The following SRFBP1 variants were observed in gnomAD, a reference collection of about 807,000 sequenced individuals.
SRFBP1 encodes the protein serum response factor-binding protein 1.
Under a neutral mutation model 45.5 loss-of-function variants are expected in SRFBP1, and 47 were observed. That is an observed-to-expected ratio of 1.03 (90% CI 0.82 to 1.32). SRFBP1 has a LOEUF of 1.32. Among genes scored for constraint, SRFBP1 ranks in the 40% most tolerant of loss-of-function variants. The pLI is 0.00. For synonymous variants in SRFBP1, 203 were observed against 166.3 expected (o/e 1.22, Z -1.70); for missense variants, 621 against 484.6 (o/e 1.28, Z -2.64).
At chr5:121,990,693 C>G (rs1752603272) in intron 3 of SRFBP1, among the ~76,000 whole-genome samples, 1 of 152,202 alleles carries the variant, frequency 6.6e-6, no homozygotes, top group Non-Finnish European at 1.5e-5. Flanking sequence ...CCATTCTTAC[C>G]CTTGAAGAGC....
chr5:122,016,915 A>G (rs1387804478), intron 4 of SRFBP1, among the ~76,000 whole-genome samples: 3 of 152,182 alleles, frequency 2.0e-5, no homozygotes, highest in East Asian at 1.9e-4. Flanking sequence ...ATAACAAAGT[A>G]TCACAAATTG....
Position 122,019,277 on chromosome 5 carries a change from T to C in SRFBP1, c.288T>C (p.Thr96=), listed in dbSNP as rs1166872197. The C allele has an allele frequency of 6.2e-7, 1 of 1,612,466 alleles. No homozygotes were observed. Among genetic ancestry groups the C allele is most frequent in the Non-Finnish European group, 8.5e-7 (1 of 1,179,122 alleles). ...KIFKKPDSTA[T]ERAIARLAVH... ...ATTTGCAGCCAGATTCTACTGCAAC[T>C]GAAAGAGCAATTGCCAGACTAGCAG... The change falls in exon 5 of 8, where the codon ACT becomes ACC. Residue 96 remains threonine, a synonymous_variant. Coordinates refer to ENST00000339397, the MANE Select transcript of SRFBP1 (RefSeq NM_152546.3).
chr5:122,027,321 C>G lies in SRFBP1; in HGVS notation c.*195C>G, dbSNP rs528333117. Reference sequence around the variant, plus strand: ...GACTGCAGGTGCATGCACTACCATGCCCAGCTTTCTCACCCCAGGCTCTGC... The same window carrying G: ...GACTGCAGGTGCATGCACTACCATGGCCAGCTTTCTCACCCCAGGCTCTGC... On this transcript the variant is annotated 3_prime_UTR_variant, in exon 8 of 8. Coordinates refer to ENST00000339397, the MANE Select transcript of SRFBP1 (RefSeq NM_152546.3). The G allele has an allele frequency of 2.5e-6, 1 of 395,592 alleles. No homozygotes were observed. 24.5% of individuals were successfully genotyped at this position (395,592 alleles called of 1,614,324 possible). A position where few individuals can be genotyped will look rare whatever the true frequency, so the allele number is the denominator to read the frequency against.
rs778525971 is a variant in SRFBP1 at position 122,069,961 on chromosome 5, G to A, written n.312-5354G>A. The A allele has an allele frequency of 4.4e-6, 4 of 905,638 alleles. No homozygotes were observed. Among genetic ancestry groups the A allele is most frequent in the Non-Finnish European group, 7.4e-6 (4 of 537,328 alleles). The allele number at this position is 905,638 out of a possible 1,614,324, so 56.1% of individuals were successfully genotyped here. ...GTCTGCTTACAAGAAAGCTGCTGTA[G>A]TAGCAGAAACAGATACATTCTATGT... On this transcript the variant is annotated intron_variant and non_coding_transcript_variant, in intron 2 of 2. Transcript: ENST00000504881.
At chr5:121,994,500 G>T in intron 3 of SRFBP1, 99 bp from the exon 4 acceptor site, 3 of 719,196 alleles carry the variant, frequency 4.2e-6, no homozygotes, top group South Asian at 1.9e-5. Flanking sequence ...AAATTAAGAT[G>T]TTATTTAATA....
In SRFBP1 at chr5:121,972,045, A is replaced by T. The variant is rs545057070; in HGVS notation, c.37-2151A>T. Among the ~76,000 whole-genome samples the T allele has an allele frequency of 2.0e-5, 3 of 152,070 alleles. No individual in the cohort carries two copies. The East Asian group carries it at 5.8e-4, about 29-fold the overall frequency. The stretch of plus-strand genomic sequence containing the variant: ...GAAGAGGGAGTGGTCCTAGTGAACC[A>T]TGTAATGAGGATGTTTATTTAGTCT... On this transcript the variant is annotated intron_variant, in intron 1 of 7. Transcript: ENST00000339397.
intron 3 of SRFBP1, among the ~76,000 whole-genome samples, chr5:121,981,102 G>A (rs1286203609): frequency 6.6e-6 from 1 of 152,062 alleles, no homozygotes; most frequent in African/African-American, 2.4e-5. Flanking sequence ...TCTTCAGATA[G>A]GGCTTTTTGG....
At chr5:122,024,559 G>C (rs1307031081) in intron 7 of SRFBP1, among the ~76,000 whole-genome samples, 1 of 152,138 alleles carries the variant, frequency 6.6e-6, no homozygotes. Context: ...TGAATGTGAG[G>C]TTTTTATGGT....
At chr5:121,969,193 A>G (rs1418910573) in intron 1 of SRFBP1, among the ~76,000 whole-genome samples, 2 of 152,340 alleles carry the variant, frequency 1.3e-5, no homozygotes, top group African/African-American at 4.8e-5. Context: ...TGTGAATGAG[A>G]AAGCTAGTTT....
chr5:122,020,641 T>A lies in SRFBP1; in HGVS notation c.906T>A (p.Ser302=). Reference sequence around the variant, plus strand: ...GAAAGAAGGAAAGTAGTTGTCATTCTTCAGTTAAGGAACAAAAACCACTAG... The same window carrying A: ...GAAAGAAGGAAAGTAGTTGTCATTCATCAGTTAAGGAACAAAAACCACTAG... ...RTRKKESSCH[S]SVKEQKPLEK... is the part of the protein sequence containing the mutation. Residue 302 remains serine (S), a synonymous_variant, in exon 6 of 8, where the codon TCT becomes TCA. Transcript: ENST00000339397. 6.2e-7 allele frequency: 1 copy of A among 1,614,062 alleles called. No homozygotes were observed. The highest frequency in any genetic ancestry group is 8.5e-7 in the Non-Finnish European group (1 of 1,179,984).
chr5:122,078,304 G>A (rs929996029), downstream of SRFBP1: 1 of 262,234 alleles, frequency 3.8e-6, no homozygotes, highest in Non-Finnish European at 7.1e-6. Context: ...TGGCACGTTT[G>A]CAAAGTTACA....
chr5:121,994,582 G>C lies in SRFBP1; in HGVS notation c.199-17G>C, dbSNP rs1007356871. Reference sequence around the variant, plus strand: ...ATAGACACATAACTAAAATTAATTTGTTTTATTCTTTCACAGGAATTGAAA... The same window carrying C: ...ATAGACACATAACTAAAATTAATTTCTTTTATTCTTTCACAGGAATTGAAA... On this transcript the variant is annotated splice_polypyrimidine_tract_variant and intron_variant, in intron 3 of 7. Transcript: ENST00000339397. 1.3e-6 allele frequency: 2 copies of C among 1,556,772 alleles called. No individual in the cohort carries two copies. Among genetic ancestry groups the C allele is most frequent in the Non-Finnish European group, 1.8e-6 (2 of 1,140,836 alleles).
chr5:121,974,307 CT>C, intron 2 of SRFBP1, 23 bp downstream of exon 2: 1 of 1,521,492 alleles, frequency 6.6e-7, no homozygotes, highest in Non-Finnish European at 9.1e-7. Context: ...AAGTAATGAT[CT>C]TGTGACTAAT....
intron 3 of SRFBP1, among the ~76,000 whole-genome samples, chr5:121,984,458 G>A (rs190466484): frequency 6.6e-6 from 1 of 151,758 alleles, no homozygotes; most frequent in East Asian, 1.9e-4. Flanking sequence ...AACTCTGTTT[G>A]GATTGCCTTT....
chr5:122,013,837 A>G (rs1259391077), intron 4 of SRFBP1, among the ~76,000 whole-genome samples: 1 of 152,240 alleles, frequency 6.6e-6, no homozygotes, highest in African/African-American at 2.4e-5. Flanking sequence ...TGGAATCTAA[A>G]AATGTCAAAC....
At chr5:122,047,642 T>C (rs1437155347) in intron 2 of SRFBP1, among the ~76,000 whole-genome samples, 1 of 152,210 alleles carries the variant, frequency 6.6e-6, no homozygotes, top group Non-Finnish European at 1.5e-5. Context: ...TTGGGCAGTA[T>C]GGCCATTTTC....
At chr5:122,078,208 C>T (rs1754698855), downstream of SRFBP1, 1 of 429,858 alleles carries the variant, frequency 2.3e-6, no homozygotes, top group South Asian at 8.1e-5. Context: ...CTTTCTCAGT[C>T]CTGGAAGGCA....
At chr5:122,008,426 G>A (rs1480302204) in intron 4 of SRFBP1, among the ~76,000 whole-genome samples, 1 of 152,038 alleles carries the variant, frequency 6.6e-6, no homozygotes, top group East Asian at 1.9e-4. Flanking sequence ...TTGTGTTTTG[G>A]GTTCCCAGGC....
intron 3 of SRFBP1, among the ~76,000 whole-genome samples, chr5:121,989,373 A>T (rs1664722621): frequency 6.6e-6 from 1 of 152,046 alleles, no homozygotes; most frequent in Non-Finnish European, 1.5e-5. Flanking sequence ...GCCTGGAATT[A>T]GTTTTAGATG....
Sources: allele counts gnomAD v4.1 joint callset (sites outside exome capture counted in the v4.1 genomes callset), GRCh38; gene constraint gnomAD v4.1.1; transcripts MANE v1.5; gene names NCBI Gene and HGNC (gene_info 2026-07-23, HGNC 2026-07-21).